The following CADM2 variants were observed in gnomAD, a reference collection of about 807,000 sequenced individuals.
CADM2 encodes the protein immunoglobulin superfamily member 4D.
A neutral mutation model predicts 49.8 loss-of-function variants in CADM2; 12 were observed. That is an observed-to-expected ratio of 0.24 (90% CI 0.15 to 0.39). The LOEUF is 0.39. CADM2 is among the 10% of genes least tolerant of loss of function. The probability of loss-of-function intolerance (pLI) is 1.00; values close to 1 mark genes in which losing one functional copy is unlikely to be tolerated. For missense variants in CADM2, 378 were observed against 492.3 expected (o/e 0.77, Z 2.20); for synonymous variants, 214 against 175.4 (o/e 1.22, Z -1.74).
chr3:85,851,571 G>A (rs1298056559), intron 3 of CADM2, among the ~76,000 whole-genome samples: 2 of 150,212 alleles, frequency 1.3e-5, no homozygotes, highest in East Asian at 3.9e-4. Context: ...ATGAATTTAA[G>A]TCCGAGAATA....
intron 1 of CADM2, among the ~76,000 whole-genome samples, chr3:85,337,024 AATATAAATATATAT>A (rs1414587805): frequency 1.2e-3 from 163 of 136,548 alleles, no homozygotes; most frequent in Middle Eastern, 3.8e-3. Flanking sequence ...TATATAAATA[AATATAAATATATAT>A]ATATAAATAT....
rs183937408 is a variant in CADM2 at position 85,850,945 on chromosome 3, A to G, written c.239-32346A>G. On this transcript the variant is annotated intron_variant, in intron 3 of 9. Transcript: ENST00000383699. The stretch of plus-strand genomic sequence containing the variant: ...CCGAGACCTCTAGCACACTGTAGCA[A>G]TGGGAGGGACATTCAAAATTATTTT... Among the ~76,000 whole-genome samples, 10 of 152,222 alleles carry G rather than the reference A, an allele frequency of 6.6e-5. No homozygotes were observed. In the East Asian group the frequency reaches 1.9e-3, roughly 29 times the overall value.
At chr3:85,568,437 TTC>T (rs1161376935) in intron 1 of CADM2, among the ~76,000 whole-genome samples, 1 of 20,382 alleles carries the variant, frequency 4.9e-5, no homozygotes, top group African/African-American at 1.4e-4. Flanking sequence ...CTTTCTTTCT[TTC>T]TTTCTTTCTT....
chr3:85,095,989 T>C (rs1049289142), intron 1 of CADM2, among the ~76,000 whole-genome samples: 8 of 152,130 alleles, frequency 5.3e-5, no homozygotes, highest in African/African-American at 1.9e-4. Context: ...CTAGGGTTTC[T>C]TGAGTCATAA....
At chr3:85,020,348 A>C (rs1236297036) in intron 1 of CADM2, among the ~76,000 whole-genome samples, 1 of 152,220 alleles carries the variant, frequency 6.6e-6, no homozygotes, top group Non-Finnish European at 1.5e-5. Context: ...TGCTTAGATT[A>C]AACTTTTCCA....
chr3:85,123,605 G>A (rs1322292835), intron 1 of CADM2, among the ~76,000 whole-genome samples: 1 of 151,984 alleles, frequency 6.6e-6, no homozygotes, highest in Non-Finnish European at 1.5e-5. Flanking sequence ...GGACATAACT[G>A]AAACAAGAAA....
At chr3:85,977,708 TATG>T (rs1198157741) in intron 8 of CADM2, among the ~76,000 whole-genome samples, 3 of 151,612 alleles carry the variant, frequency 2.0e-5, no homozygotes, top group African/African-American at 7.3e-5. Flanking sequence ...AGTTCTACTT[TATG>T]ATAATGGTAG....
intron 1 of CADM2, among the ~76,000 whole-genome samples, chr3:85,458,759 GT>G: frequency 6.6e-6 from 1 of 152,132 alleles, no homozygotes. Context: ...AGCCTTTCTT[GT>G]TTTATTATTA....
chr3:85,912,104 C>T (rs148985116), intron 5 of CADM2, among the ~76,000 whole-genome samples: 295 of 151,916 alleles, frequency 1.9e-3, no homozygotes, highest in African/African-American at 6.8e-3. Flanking sequence ...TCACCACATC[C>T]GGCTAATTTT....
At chr3:85,950,953 T>A (rs1297995879) in intron 7 of CADM2, among the ~76,000 whole-genome samples, 1 of 151,092 alleles carries the variant, frequency 6.6e-6, no homozygotes, top group Non-Finnish European at 1.5e-5. Context: ...TCAAACTTCA[T>A]TTATTACTGC....
intron 1 of CADM2, among the ~76,000 whole-genome samples, chr3:85,587,561 A>G (rs1375567): frequency 0.31 from 46,539 of 151,786 alleles, 8,131 homozygotes; most frequent in East Asian, 0.55. Context: ...AACCCCTATG[A>G]TCCTTGGGTG....
At chr3:85,168,016 A>C (rs549279911) in intron 1 of CADM2, among the ~76,000 whole-genome samples, 4 of 152,082 alleles carry the variant, frequency 2.6e-5, no homozygotes, top group Non-Finnish European at 5.9e-5. Flanking sequence ...AGTGGTACCT[A>C]TTATTACATA....
chr3:85,096,685 T>C (rs73843290), intron 1 of CADM2, among the ~76,000 whole-genome samples: 16,439 of 151,896 alleles, frequency 0.11, 1,865 homozygotes, highest in African/African-American at 0.29. Context: ...AATATAGAGG[T>C]GAAGAATTCC....
intron 1 of CADM2, among the ~76,000 whole-genome samples, chr3:85,412,143 C>A (rs776005913): frequency 2.0e-5 from 3 of 152,036 alleles, no homozygotes; most frequent in African/African-American, 7.2e-5. Context: ...ATCATAATTT[C>A]TTTGAAAAGC....
intron 3 of CADM2, among the ~76,000 whole-genome samples, chr3:85,808,979 A>C (rs2108112323): frequency 6.6e-6 from 1 of 152,306 alleles, no homozygotes; most frequent in East Asian, 1.9e-4. Context: ...GTATATCTCC[A>C]CAACTGCTAT....
chr3:85,159,088 A>G (rs1458370002), intron 1 of CADM2, among the ~76,000 whole-genome samples: 1 of 151,688 alleles, frequency 6.6e-6, no homozygotes, highest in Non-Finnish European at 1.5e-5. Context: ...ACCTATAAAC[A>G]TATTTTATAC....
At chr3:85,602,470 C>T (rs1466438279) in intron 1 of CADM2, among the ~76,000 whole-genome samples, 1 of 151,740 alleles carries the variant, frequency 6.6e-6, no homozygotes, top group African/African-American at 2.4e-5. Flanking sequence ...CTCTACATTC[C>T]ATATCCAATA....
chr3:85,212,897 T>TCTCTCTCTC (rs2041834022), intron 1 of CADM2, among the ~76,000 whole-genome samples: 2 of 145,152 alleles, frequency 1.4e-5, no homozygotes, highest in East Asian at 2.0e-4. Context: ...TCTTTCTTTC[T>TCTCTCTCTC]TTTAATGGAG....
chr3:85,047,875 G>T (rs1003520545), intron 1 of CADM2, among the ~76,000 whole-genome samples: 2 of 152,058 alleles, frequency 1.3e-5, no homozygotes, highest in African/African-American at 4.8e-5. Context: ...CAAAGCAGAA[G>T]ACTTTCTGCC....
Sources: allele counts gnomAD v4.1 joint callset (sites outside exome capture counted in the v4.1 genomes callset), GRCh38; gene constraint gnomAD v4.1.1; transcripts MANE v1.5; gene names NCBI Gene and HGNC (gene_info 2026-07-23, HGNC 2026-07-21).